The following SNAPC3 variants were observed in gnomAD, a reference collection of about 807,000 sequenced individuals.
SNAPC3 encodes the protein small nuclear RNA activating complex polypeptide 3.
Under a neutral mutation model 47.7 loss-of-function variants are expected in SNAPC3, and 56 were observed. That is an observed-to-expected ratio of 1.18 (90% confidence interval 0.95 to 1.47). The LOEUF is 1.47. Ranked by LOEUF, SNAPC3 falls within the 40% of genes most tolerant of loss-of-function variation. SNAPC3 has a pLI of 0.00. For missense variants in SNAPC3, 665 were observed against 511.3 expected, an observed-to-expected ratio of 1.30 and a Z score of -2.90; for synonymous variants, 235 against 189.9, an observed-to-expected ratio of 1.24 and a Z score of -1.95.
intron 3 of SNAPC3, among the ~76,000 whole-genome samples, chr9:15,444,220 T>C (rs574754759): frequency 6.6e-6 from 1 of 152,366 alleles, no homozygotes; most frequent in Admixed American, 6.5e-5. Flanking sequence ...TCACTGAACC[T>C]CTGAGCTTTA....
At position 15,437,789 on chromosome 9, in the gene SNAPC3, A is replaced by G. The variant is rs1220430222; in HGVS notation, c.477+4153A>G. On this transcript the variant is annotated intron_variant, in intron 3 of 8. Coordinates refer to ENST00000380821, the MANE Select transcript of SNAPC3 (RefSeq NM_001039697.2). ...AAGTACCTTTTCTTATCATAACTGA[A>G]TGACATTAGAAATCAATAACAGAAG... Among the ~76,000 whole-genome samples, 4 of 152,332 alleles carry G rather than the reference A, an allele frequency of 2.6e-5. No individual in the cohort carries two copies. In the East Asian group the frequency reaches 7.7e-4, roughly 29 times the overall value.
chr9:15,442,731 C>A (rs1182577088), intron 3 of SNAPC3, among the ~76,000 whole-genome samples: 2 of 152,162 alleles, frequency 1.3e-5, no homozygotes, highest in Admixed American at 1.3e-4. Flanking sequence ...AGACGATGGG[C>A]AGCCAGGCAG....
rs757300388 is a variant in SNAPC3 at position 15,447,076 on chromosome 9, T to C, written c.583-19T>C. ...CGCTTTGTCTCTAAATGAACACTTA[T>C]TTATTCTTTGACTTTTAGCACAAAG... On this transcript the variant is annotated intron_variant, in intron 4 of 8. Transcript: ENST00000380821. 1.6e-5 allele frequency: 26 copies of C among 1,610,882 alleles called. No individual in the cohort carries two copies. Among genetic ancestry groups the C allele is most frequent in the Non-Finnish European group, 1.8e-5 (21 of 1,177,138 alleles).
rs796568913 is a variant in SNAPC3 at position 15,446,987 on chromosome 9, A to C, written c.583-108A>C. 1.4e-4 allele frequency: 133 copies of C among 947,916 alleles called. 1 individual carries two copies. The African/African-American group carries it at 1.8e-3, about 13-fold the overall frequency. 58.7% of individuals were successfully genotyped at this position (947,916 alleles called of 1,614,324 possible). A position where few individuals can be genotyped will look rare whatever the true frequency, so the allele number is the denominator to read the frequency against. ...TACAGAGCATCAAGTTATGGGGACA[A>C]TTTAAAATTAAGAAAACCAGCAATT... On this transcript the variant is annotated intron_variant, in intron 4 of 8. Transcript: ENST00000380821.
At chr9:15,431,818 G>A (rs1024052395) in intron 2 of SNAPC3, 2 of 150,534 alleles carry the variant, frequency 1.3e-5, no homozygotes, top group African/African-American at 2.4e-5. Context: ...TTGTATTACG[G>A]ATGTGTAATA....
rs370993587 is a variant in SNAPC3, at chr9:15,423,852, C to G, written c.315-57C>G. ...TGTATTTAGGAAAACAACCCTAACTCGCTGTGAACCAGATGCAGAGTCGAC... is the reference window on the plus strand; with the variant it reads ...TGTATTTAGGAAAACAACCCTAACTGGCTGTGAACCAGATGCAGAGTCGAC... On this transcript the variant is annotated intron_variant, in intron 1 of 8. Transcript: ENST00000380821. 2.4e-5 allele frequency: 24 copies of G among 998,580 alleles called. No homozygotes were observed. The African/African-American group carries it at 3.8e-4, about 16-fold the overall frequency. The allele number at this position is 998,580 out of a possible 1,614,324, so 61.9% of individuals were successfully genotyped here. A position where few individuals can be genotyped will look rare whatever the true frequency, so the allele number is the denominator to read the frequency against.
At chr9:15,449,538 TATA>T (rs1218737879) in intron 5 of SNAPC3, among the ~76,000 whole-genome samples, 10 of 37,564 alleles carry the variant, frequency 2.7e-4, no homozygotes, top group African/African-American at 9.8e-4. Context: ...ATTATTATTA[TATA>T]TATATATATA....
chr9:15,464,947 G>A (rs2035510645), downstream of SNAPC3: 1 of 215,576 alleles, frequency 4.6e-6, no homozygotes, highest in Non-Finnish European at 9.4e-6. Flanking sequence ...ACCATACAGA[G>A]CACACATTGT....
intron 2 of SNAPC3, among the ~76,000 whole-genome samples, chr9:15,424,591 T>C (rs2031088423): frequency 6.6e-6 from 1 of 152,240 alleles, no homozygotes; most frequent in African/African-American, 2.4e-5. Context: ...ACAAAATTAT[T>C]CAATGATAAT....
At chr9:15,449,531 AT>A (rs2034201467) in intron 5 of SNAPC3, among the ~76,000 whole-genome samples, 2 of 102,764 alleles carry the variant, frequency 1.9e-5, no homozygotes, top group South Asian at 3.1e-4. Flanking sequence ...CTCTTCTATT[AT>A]TATTATATAT....
In SNAPC3 at chr9:15,450,742, G is replaced by A. The variant is rs116227564; in HGVS notation, c.733-578G>A. ...GTCTGAGTTGACACTTGTGTTTGGTGTTTTTGTGATTTGATTTTGCAGTCA... is the reference window on the plus strand; with the variant it reads ...GTCTGAGTTGACACTTGTGTTTGGTATTTTTGTGATTTGATTTTGCAGTCA... On this transcript the variant is annotated intron_variant, in intron 5 of 8. Coordinates refer to ENST00000380821, the MANE Select transcript of SNAPC3 (RefSeq NM_001039697.2). Among the ~76,000 whole-genome samples, 744 of 152,264 alleles carry A rather than the reference G, an allele frequency of 4.9e-3. 4 individuals are homozygous for A. The highest frequency in any genetic ancestry group is 0.017 in the African/African-American group (725 of 41,550).
rs1442825774 is a variant in SNAPC3 at position 15,459,910 on chromosome 9, T to A, written c.*44T>A. The A allele has an allele frequency of 1.9e-6, 3 of 1,553,246 alleles. No homozygotes were observed. The highest frequency in any genetic ancestry group is 2.3e-5 in the East Asian group (1 of 44,264). Reference sequence around the variant, plus strand: ...AAATACCCCCTCATGAAATAACTGTTCTCTTGGATGGTTACCTTATTTCTA... The same window carrying A: ...AAATACCCCCTCATGAAATAACTGTACTCTTGGATGGTTACCTTATTTCTA... On this transcript the variant is annotated 3_prime_UTR_variant, in exon 9 of 9. Transcript: ENST00000380821.
chr9:15,437,528 C>T (rs758228298), intron 3 of SNAPC3, among the ~76,000 whole-genome samples: 2 of 152,038 alleles, frequency 1.3e-5, no homozygotes, highest in East Asian at 1.9e-4. Context: ...CCACCGCACC[C>T]GGCCCTGTTC....
At chr9:15,444,976 C>A (rs889685920) in intron 4 of SNAPC3, among the ~76,000 whole-genome samples, 13 of 152,162 alleles carry the variant, frequency 8.5e-5, no homozygotes, top group African/African-American at 3.1e-4. Flanking sequence ...ATCTGTAATC[C>A]CAACTACTTG....
At chr9:15,430,892 G>T (rs761665223) in intron 2 of SNAPC3, among the ~76,000 whole-genome samples, 19 of 152,138 alleles carry the variant, frequency 1.2e-4, no homozygotes, top group Admixed American at 5.9e-4. Context: ...TGTAAGAAAG[G>T]TGTGCCAGGT....
chr9:15,452,685 T>C (rs773834015), intron 6 of SNAPC3, among the ~76,000 whole-genome samples: 1 of 152,246 alleles, frequency 6.6e-6, no homozygotes, highest in East Asian at 1.9e-4. Flanking sequence ...GTTATAACTA[T>C]CACTATTTAT....
chr9:15,445,673 T>G (rs901931931), intron 4 of SNAPC3, among the ~76,000 whole-genome samples: 8 of 152,110 alleles, frequency 5.3e-5, no homozygotes, highest in Non-Finnish European at 8.8e-5. Context: ...GCTGGCTGGG[T>G]GTAATGGCTC....
intron 2 of SNAPC3, among the ~76,000 whole-genome samples, chr9:15,428,786 C>T (rs2031779079): frequency 6.6e-6 from 1 of 151,362 alleles, no homozygotes; most frequent in African/African-American, 2.4e-5. Context: ...TGAAGAAAGG[C>T]ATAAAAACAA....
intron 3 of SNAPC3, among the ~76,000 whole-genome samples, chr9:15,444,383 C>T (rs559268448): frequency 1.1e-4 from 17 of 152,360 alleles, no homozygotes; most frequent in African/African-American, 3.1e-4. Context: ...ATTGTGTACA[C>T]ATTCCCAGCA....
Sources: allele counts gnomAD v4.1 joint callset (sites outside exome capture counted in the v4.1 genomes callset), GRCh38; gene constraint gnomAD v4.1.1; transcripts MANE v1.5; gene names NCBI Gene and HGNC (gene_info 2026-07-23, HGNC 2026-07-21).